The following PKNOX2 variants were observed in gnomAD, a reference collection of about 807,000 sequenced individuals.
PKNOX2 encodes homeobox protein PKNOX2.
A neutral mutation model predicts 53.1 loss-of-function variants in PKNOX2; 14 were observed. The observed-to-expected ratio is 0.26, with a 90% CI of 0.17 to 0.41. The LOEUF is 0.41. PKNOX2 is among the 10% of genes least tolerant of loss of function. The probability of loss-of-function intolerance (pLI) is 1.00; values close to 1 mark genes in which losing one functional copy is unlikely to be tolerated. For synonymous variants in PKNOX2, 257 were observed against 242.8 expected, an observed-to-expected ratio of 1.06 and a Z score of -0.54; for missense variants, 496 against 602.8, an observed-to-expected ratio of 0.82 and a Z score of 1.85.
At chr11:125,296,950 A>G (rs1348730200) in intron 2 of PKNOX2, among the ~76,000 whole-genome samples, 1 of 152,004 alleles carries the variant, frequency 6.6e-6, no homozygotes, top group Non-Finnish European at 1.5e-5. Flanking sequence ...TATCTATCTC[A>G]CCCAACGAGA....
intron 1 of PKNOX2, among the ~76,000 whole-genome samples, chr11:125,195,995 C>T (rs1303578630): frequency 1.3e-5 from 2 of 152,126 alleles, no homozygotes; most frequent in Non-Finnish European, 2.9e-5. Flanking sequence ...AGGCCGGTCC[C>T]CTCCCCCACC....
intron 1 of PKNOX2, among the ~76,000 whole-genome samples, chr11:125,195,258 G>A (rs563863311): frequency 6.6e-6 from 1 of 152,338 alleles, no homozygotes; most frequent in East Asian, 1.9e-4. Context: ...TTTGAACCCA[G>A]GCTGGTCTGC....
At chr11:125,321,446 A>G (rs1462604096) in intron 2 of PKNOX2, among the ~76,000 whole-genome samples, 1 of 152,256 alleles carries the variant, frequency 6.6e-6, no homozygotes, top group Non-Finnish European at 1.5e-5. Context: ...ATAATACCTA[A>G]TACAATGTAA....
chr11:125,177,991 T>A (rs1376389724), intron 1 of PKNOX2, among the ~76,000 whole-genome samples: 1 of 152,214 alleles, frequency 6.6e-6, no homozygotes, highest in African/African-American at 2.4e-5. Context: ...TTATGAATTG[T>A]CTACTGTGTT....
chr11:125,415,234 C>CTTTT lies in PKNOX2; in HGVS notation c.936+3388_936+3391dup, dbSNP rs35920181. Among the ~76,000 whole-genome samples, 127 of 77,590 alleles carry CTTTT rather than the reference C, an allele frequency of 1.6e-3. 2 individuals are homozygous for CTTTT. Among genetic ancestry groups the CTTTT allele is most frequent in the African/African-American group, 5.5e-3 (120 of 21,998 alleles). 50.9% of individuals were successfully genotyped at this position (77,590 alleles called of 152,430 possible). ...CCAATCTGAGTTATATAAAGTTTAGCTTTTTTTTTTTTTTTTTTTTTTGGT... is the reference window on the plus strand; with the variant it reads ...CCAATCTGAGTTATATAAAGTTTAGCTTTTTTTTTTTTTTTTTTTTTTTTTTGGT... On this transcript the variant is annotated intron_variant, in intron 10 of 12. Transcript: ENST00000298282.
chr11:125,411,490 CTCTCTCTCTCTCTCTCTCT>C (rs1955518884), intron 9 of PKNOX2: 2 of 445,058 alleles, frequency 4.5e-6, no homozygotes, highest in Admixed American at 6.6e-5. Context: ...CTCTCTCTCT[CTCTCTCTCTCTCTCTCTCT>C]CCCCCCCTTC....
chr11:125,421,195 C>T (rs568770124), intron 10 of PKNOX2, among the ~76,000 whole-genome samples: 8 of 152,318 alleles, frequency 5.3e-5, no homozygotes, highest in African/African-American at 1.4e-4. Context: ...CAACCCACGA[C>T]GTAATCAAGT....
At chr11:125,267,762 CATGT>C (rs1228928938) in intron 2 of PKNOX2, among the ~76,000 whole-genome samples, 1 of 141,634 alleles carries the variant, frequency 7.1e-6, no homozygotes, top group African/African-American at 3.2e-5. Flanking sequence ...TGTGTGTGTG[CATGT>C]GTGTGTGTGT....
In PKNOX2 at chr11:125,166,782, G is replaced by A. The variant is rs1954910861; in HGVS notation, c.-201+2006G>A. Among the ~76,000 whole-genome samples, 2 of 152,224 alleles carry A rather than the reference G, an allele frequency of 1.3e-5. No individual in the cohort carries two copies. Reference sequence around the variant, plus strand: ...AAACCCGGCCTTTGGTGCGCCCGGGGGAGGAGGAAGCTTGGAGTGCCCTAC... The same window carrying A: ...AAACCCGGCCTTTGGTGCGCCCGGGAGAGGAGGAAGCTTGGAGTGCCCTAC... On this transcript the variant is annotated intron_variant, in intron 1 of 12. Coordinates refer to ENST00000298282, the MANE Select transcript of PKNOX2 (RefSeq NM_001382323.2). This position sits in a 1 kb window ranked among gnomAD's most constrained non-coding sequence, Gnocchi z 4.0.
chr11:125,244,518 G>A (rs565120251), intron 2 of PKNOX2, among the ~76,000 whole-genome samples: 23 of 152,340 alleles, frequency 1.5e-4, no homozygotes, highest in African/African-American at 5.3e-4. Flanking sequence ...TGAGTTGGAG[G>A]CATCTTGTGT....
At chr11:125,221,538 G>A (rs1207021438) in intron 1 of PKNOX2, among the ~76,000 whole-genome samples, 1 of 152,150 alleles carries the variant, frequency 6.6e-6, no homozygotes, top group South Asian at 2.1e-4. Flanking sequence ...TGTTGGAGGC[G>A]TATAAGTCAG....
rs1287697962 is a variant in PKNOX2, at chr11:125,235,037, A to G, written c.-200-8A>G. The G allele has an allele frequency of 6.6e-6, 1 of 152,576 alleles. No homozygotes were observed. The highest frequency in any genetic ancestry group is 1.9e-4 in the East Asian group (1 of 5,194). The allele number at this position is 152,576 out of a possible 1,614,324, so 9.5% of individuals were successfully genotyped here. ...ACAGTCTATAAAGATGTTTTCTTTC[A>G]TTGGCAGGTGAAGTCTGGAGCAGGA... is the stretch of plus-strand genomic sequence containing the variant. On this transcript the variant is annotated splice_region_variant and splice_polypyrimidine_tract_variant and intron_variant, in intron 1 of 12. Coordinates refer to ENST00000298282, the MANE Select transcript of PKNOX2 (RefSeq NM_001382323.2).
rs536441932 is a variant in PKNOX2, at chr11:125,250,387, C to T, written c.-130+15272C>T. The stretch of plus-strand genomic sequence containing the variant: ...CCATGTACTCATTACCCAGCTTCAG[C>T]AACTATCAGCCCTCCCTCTTCACTG... On this transcript the variant is annotated intron_variant, in intron 2 of 12. Coordinates refer to ENST00000298282, the MANE Select transcript of PKNOX2 (RefSeq NM_001382323.2). Among the ~76,000 whole-genome samples the T allele has an allele frequency of 2.0e-5, 3 of 152,326 alleles. No homozygotes were observed. The South Asian group carries it at 6.2e-4, about 32-fold the overall frequency.
Position 125,410,891 on chromosome 11 carries a change from G to A in PKNOX2, c.816+15G>A, listed in dbSNP as rs1470003165. 1 of 1,601,246 alleles carries A rather than the reference G, an allele frequency of 6.2e-7. No individual in the cohort carries two copies. The highest frequency in any genetic ancestry group is 1.7e-5 in the Admixed American group (1 of 60,002). ...AGAACACACAGGTGAGTGTGTGTAG[G>A]TGTGTGCACATGTGCATGGTGTGGG... is the stretch of plus-strand genomic sequence containing the variant. On this transcript the variant is annotated intron_variant, in intron 9 of 12. Transcript: ENST00000298282.
intron 2 of PKNOX2, among the ~76,000 whole-genome samples, chr11:125,292,181 C>G (rs1340505815): frequency 6.6e-6 from 1 of 152,230 alleles, no homozygotes; most frequent in East Asian, 1.9e-4. Flanking sequence ...GCAGGCCTTT[C>G]TCCCCGGCTT....
intron 2 of PKNOX2, among the ~76,000 whole-genome samples, chr11:125,308,131 C>T (rs1005361976): frequency 1.7e-4 from 26 of 152,202 alleles, no homozygotes; most frequent in Admixed American, 1.2e-3. Context: ...CGTATGGTCC[C>T]GGGAGACCCC....
At chr11:125,353,985 G>A (rs1216068879) in intron 4 of PKNOX2, among the ~76,000 whole-genome samples, 1 of 152,166 alleles carries the variant, frequency 6.6e-6, no homozygotes, top group Admixed American at 6.5e-5. Context: ...GACTCTAGGG[G>A]GAAAGGCTGT....
chr11:125,283,694 C>T (rs1946721215), intron 2 of PKNOX2, among the ~76,000 whole-genome samples: 1 of 152,096 alleles, frequency 6.6e-6, no homozygotes, highest in South Asian at 2.1e-4. Flanking sequence ...ACAGAAGTGT[C>T]ACTTAAAAAG....
chr11:125,371,121 G>A (rs1199989604), intron 5 of PKNOX2, among the ~76,000 whole-genome samples: 3 of 152,056 alleles, frequency 2.0e-5, no homozygotes, highest in South Asian at 2.1e-4. Context: ...GGAGGGCAGC[G>A]TCTGTCTTTA....
Sources: gnomAD v4.1 joint callset for allele counts (sites outside exome capture counted in the v4.1 genomes callset) on GRCh38, gnomAD v4.1.1 for gene constraint, Gnocchi (gnomAD v3.1) non-coding constraint, MANE v1.5 for transcripts, NCBI Gene and HGNC (gene_info 2026-07-23, HGNC 2026-07-21) for gene names.